Variants in GAREM1 observed in about 807,000 individuals in gnomAD.
GAREM1 encodes the protein GRB2-associated and regulator of MAPK protein 1.
Under a neutral mutation model 71.3 loss-of-function variants are expected in GAREM1, and 26 were observed. That is an observed-to-expected ratio of 0.36 (90% CI 0.27 to 0.51). The LOEUF (loss-of-function observed/expected upper bound fraction) is 0.51. GAREM1 is among the 20% of genes least tolerant of loss of function. The pLI is 0.95. For missense variants in GAREM1, 1,026 were observed against 1,103.1 expected, an observed-to-expected ratio of 0.93 and a Z score of 0.99; for synonymous variants, 440 against 433.2, an observed-to-expected ratio of 1.02 and a Z score of -0.20.
chr18:32,413,596 G>A (rs893596374), intron 1 of GAREM1, among the ~76,000 whole-genome samples: 47 of 152,138 alleles, frequency 3.1e-4, no homozygotes, highest in African/African-American at 1.1e-3. Flanking sequence ...CAAAATAATG[G>A]AAATAAGCAA....
At chr18:32,342,490 T>C (rs954737574) in intron 2 of GAREM1, among the ~76,000 whole-genome samples, 4 of 152,306 alleles carry the variant, frequency 2.6e-5, no homozygotes, top group Middle Eastern at 3.4e-3. Flanking sequence ...TCCCTGAGGC[T>C]GAGACATATG....
intron 1 of GAREM1, among the ~76,000 whole-genome samples, chr18:32,423,897 G>C (rs2048546395): frequency 6.6e-6 from 1 of 152,172 alleles, no homozygotes; most frequent in Admixed American, 6.5e-5. Flanking sequence ...ACTTTGGGAG[G>C]CTGAAGTGGG....
chr18:32,412,520 T>C (rs185345820), intron 1 of GAREM1: 1 of 1,596,846 alleles, frequency 6.3e-7, no homozygotes, highest in African/African-American at 1.3e-5. Context: ...TGAAGTTTCC[T>C]CCATGACCGA....
At chr18:32,328,416 A>G (rs931879400) in intron 2 of GAREM1, among the ~76,000 whole-genome samples, 8 of 152,198 alleles carry the variant, frequency 5.3e-5, no homozygotes, top group African/African-American at 1.9e-4. Flanking sequence ...AACAGAGTAA[A>G]TAAGTAATAG....
intron 3 of GAREM1, among the ~76,000 whole-genome samples, chr18:32,303,997 G>A (rs1004403375): frequency 4.7e-5 from 7 of 150,536 alleles, no homozygotes; most frequent in Non-Finnish European, 1.0e-4. Context: ...GGAGGGGAGG[G>A]GAGGGAGAGG....
chr18:32,367,111 ACT>A (rs916145161), intron 2 of GAREM1, among the ~76,000 whole-genome samples: 22 of 152,290 alleles, frequency 1.4e-4, no homozygotes, highest in African/African-American at 5.1e-4. Context: ...AGGACACTGT[ACT>A]CTCTTTTAAA....
At chr18:32,440,130 A>G (rs2048720168) in intron 1 of GAREM1, among the ~76,000 whole-genome samples, 1 of 152,228 alleles carries the variant, frequency 6.6e-6, no homozygotes, top group Non-Finnish European at 1.5e-5. Flanking sequence ...CTTATTTAAC[A>G]TAAATAGCAC....
At chr18:32,269,944 G>A (rs911165282) in intron 5 of GAREM1, among the ~76,000 whole-genome samples, 2 of 152,070 alleles carry the variant, frequency 1.3e-5, no homozygotes, top group African/African-American at 4.8e-5. Flanking sequence ...GGCAGCCCCC[G>A]GGTTGTTTCC....
intron 2 of GAREM1, among the ~76,000 whole-genome samples, chr18:32,330,446 T>C (rs2047520874): frequency 6.6e-6 from 1 of 152,088 alleles, no homozygotes. Flanking sequence ...ATCACAAACG[T>C]CAGCATCATG....
chr18:32,442,517 A>G (rs949107094), intron 1 of GAREM1, among the ~76,000 whole-genome samples: 3 of 152,216 alleles, frequency 2.0e-5, no homozygotes, highest in Admixed American at 1.3e-4. Flanking sequence ...CTAAAGGATG[A>G]AAAAACATCT....
intron 1 of GAREM1, among the ~76,000 whole-genome samples, chr18:32,435,364 A>G (rs1287586597): frequency 1.3e-5 from 2 of 152,182 alleles, no homozygotes; most frequent in African/African-American, 4.8e-5. Flanking sequence ...ACTATACTAC[A>G]GTTTTTAGGG....
chr18:32,373,812 C>G (rs1489835553), intron 2 of GAREM1, among the ~76,000 whole-genome samples: 1 of 152,158 alleles, frequency 6.6e-6, no homozygotes, highest in African/African-American at 2.4e-5. Context: ...GTCAATGTAC[C>G]AGAAGTCTCA....
intron 2 of GAREM1, among the ~76,000 whole-genome samples, chr18:32,347,572 G>A (rs1454692599): frequency 6.6e-6 from 1 of 152,118 alleles, no homozygotes; most frequent in African/African-American, 2.4e-5. Flanking sequence ...TCTTTTCAAA[G>A]GCGAACTGAG....
intron 1 of GAREM1, among the ~76,000 whole-genome samples, chr18:32,395,933 C>T (rs1028906823): frequency 1.3e-5 from 2 of 152,164 alleles, no homozygotes; most frequent in East Asian, 3.9e-4. Context: ...AGACTGACAC[C>T]TCACATGGCC....
intron 1 of GAREM1, among the ~76,000 whole-genome samples, chr18:32,456,189 A>T (rs887386563): frequency 2.0e-5 from 3 of 152,138 alleles, no homozygotes; most frequent in African/African-American, 7.2e-5. Flanking sequence ...TTGATCGGAA[A>T]AATGTAAATA....
intron 4 of GAREM1, among the ~76,000 whole-genome samples, chr18:32,279,736 TTG>T (rs1567946006): frequency 6.6e-6 from 1 of 152,098 alleles, no homozygotes. Context: ...CGTGGAAAAA[TTG>T]TCTTTCATGA....
At chr18:32,460,602 T>A (rs1393176265) in intron 1 of GAREM1, among the ~76,000 whole-genome samples, 1 of 152,202 alleles carries the variant, frequency 6.6e-6, no homozygotes, top group Non-Finnish European at 1.5e-5. Flanking sequence ...ACACTACTGT[T>A]TCAAGTCAAA....
At chr18:32,309,400 G>T (rs755129126) in intron 3 of GAREM1, among the ~76,000 whole-genome samples, 1 of 148,786 alleles carries the variant, frequency 6.7e-6, no homozygotes, top group Non-Finnish European at 1.5e-5. Context: ...CAGATCACGA[G>T]GTCAGGAGCT....
chr18:32,293,295 C>CA (rs1183383616), intron 3 of GAREM1, among the ~76,000 whole-genome samples: 1 of 152,162 alleles, frequency 6.6e-6, no homozygotes, highest in East Asian at 1.9e-4. Flanking sequence ...TGAAATGGTA[C>CA]AAGGTGTGCT....
Sources: gnomAD v4.1 joint callset for allele counts (sites outside exome capture counted in the v4.1 genomes callset) on GRCh38, gnomAD v4.1.1 for gene constraint, MANE v1.5 for transcripts, NCBI Gene and HGNC (gene_info 2026-07-23, HGNC 2026-07-21) for gene names.